The following MB21D2 variants were observed in gnomAD, a reference collection of about 807,000 sequenced individuals.
MB21D2 encodes the protein Mab-21 domain containing 2.
A neutral mutation model predicts 33.3 loss-of-function variants in MB21D2; 9 were observed. That is an observed-to-expected ratio of 0.27 (90% CI 0.16 to 0.47). The LOEUF is 0.47. Among genes scored for constraint, MB21D2 ranks in the 20% least tolerant of loss-of-function variants. MB21D2 has a pLI of 0.99. For synonymous variants in MB21D2, 241 were observed against 236.3 expected (o/e 1.02, Z -0.18); for missense variants, 540 against 624.6 (o/e 0.86, Z 1.44).
intron 1 of MB21D2, among the ~76,000 whole-genome samples, chr3:192,909,614 T>C (rs747831077): frequency 6.6e-6 from 1 of 152,180 alleles, no homozygotes; most frequent in Admixed American, 6.5e-5. Context: ...GCTGTTTCCA[T>C]GGACCCAGGT....
chr3:192,815,546 G>A (rs1187268673), intron 1 of MB21D2, among the ~76,000 whole-genome samples: 1 of 152,204 alleles, frequency 6.6e-6, no homozygotes, highest in Non-Finnish European at 1.5e-5. Context: ...ATCAGGAAAG[G>A]CAAAGCTGTC....
intron 1 of MB21D2, among the ~76,000 whole-genome samples, chr3:192,854,011 T>A (rs1712864319): frequency 6.6e-6 from 1 of 152,202 alleles, no homozygotes; most frequent in East Asian, 1.9e-4. Flanking sequence ...GGCTTCCCTA[T>A]TCCTTGGGAC....
intron 1 of MB21D2, among the ~76,000 whole-genome samples, chr3:192,853,337 C>T (rs752741802): frequency 2.6e-5 from 4 of 152,160 alleles, no homozygotes; most frequent in Non-Finnish European, 4.4e-5. Flanking sequence ...GAGGCACTTC[C>T]GTGACAAATG....
At position 192,798,519 on chromosome 3, in the gene MB21D2, T is replaced by C. The variant is rs1346794331; in HGVS notation, c.1343A>G (p.Asn448Ser). The C allele has an allele frequency of 3.1e-6, 5 of 1,614,098 alleles. No homozygotes were observed. The highest frequency in any genetic ancestry group is 4.2e-6 in the Non-Finnish European group (5 of 1,180,012). Reference sequence around the variant, plus strand: ...TTTTGCCAAACGGTCATCAGGCTGGTTGGGGTCCCCTCCGTCAGACTGTGG... The same window carrying C: ...TTTTGCCAAACGGTCATCAGGCTGGCTGGGGTCCCCTCCGTCAGACTGTGG... ...PSPQSDGGDP[N>S]QPDDRLAKKL... The change falls in exon 2 of 2, where the codon AAC (asparagine) becomes AGC (serine). Residue 448 changes from asparagine (N) to serine (S), a missense_variant. Physicochemically the swap from Asn to Ser is conservative, Grantham distance 46. Coordinates refer to ENST00000392452, the MANE Select transcript of MB21D2 (RefSeq NM_178496.4). This position sits in a 1 kb window ranked among gnomAD's most constrained non-coding sequence, Gnocchi z 4.8.
chr3:192,889,456 T>C (rs1713804627), intron 1 of MB21D2, among the ~76,000 whole-genome samples: 1 of 152,112 alleles, frequency 6.6e-6, no homozygotes, highest in Non-Finnish European at 1.5e-5. Flanking sequence ...AACTTTGCAA[T>C]TAATACTTAA....
rs998488840 is a variant in MB21D2, at chr3:192,917,820, G to A, written c.21C>T (p.Thr7=). 2 of 1,610,198 alleles carry A rather than the reference G, an allele frequency of 1.2e-6. No homozygotes were observed. Among genetic ancestry groups the A allele is most frequent in the Admixed American group, 1.7e-5 (1 of 59,900 alleles). ...AGCCCAGGGAGGCTGCCTTGTTGGC[G>A]GTGGGAGCCGCCATCTTCATGCAAA... The part of the protein sequence containing the change: MKMAAP[T]ANKAASLGCN... Residue 7 remains threonine, a synonymous_variant, in exon 1 of 2, where the codon ACC becomes ACT. Coordinates refer to ENST00000392452, the MANE Select transcript of MB21D2 (RefSeq NM_178496.4).
At chr3:192,887,375 G>C (rs901686954) in intron 1 of MB21D2, among the ~76,000 whole-genome samples, 4 of 152,058 alleles carry the variant, frequency 2.6e-5, no homozygotes, top group African/African-American at 4.8e-5. Context: ...TATTTATACA[G>C]TTTCAGTTTT....
At chr3:192,913,335 T>C (rs548208968) in intron 1 of MB21D2, among the ~76,000 whole-genome samples, 1 of 152,192 alleles carries the variant, frequency 6.6e-6, no homozygotes, top group African/African-American at 2.4e-5. Context: ...GAAGTAGAGG[T>C]TGCAGTGAGC....
At chr3:192,806,358 T>C (rs925715376) in intron 1 of MB21D2, among the ~76,000 whole-genome samples, 10 of 152,232 alleles carry the variant, frequency 6.6e-5, no homozygotes, top group African/African-American at 2.4e-4. Flanking sequence ...GGAATCCACT[T>C]ACACAACAAG....
intron 1 of MB21D2, among the ~76,000 whole-genome samples, chr3:192,894,879 C>A (rs1396964942): frequency 6.6e-6 from 1 of 152,160 alleles, no homozygotes; most frequent in African/African-American, 2.4e-5. Context: ...CATCACAACA[C>A]AAAAAGATAA....
intron 1 of MB21D2, among the ~76,000 whole-genome samples, chr3:192,865,438 A>T (rs1323063969): frequency 6.6e-6 from 1 of 152,222 alleles, no homozygotes; most frequent in East Asian, 1.9e-4. Context: ...GAAATGGTTC[A>T]GCAGGAGTAT....
intron 1 of MB21D2, among the ~76,000 whole-genome samples, chr3:192,853,069 T>C (rs927232065): frequency 2.6e-5 from 4 of 152,056 alleles, no homozygotes; most frequent in African/African-American, 9.7e-5. Flanking sequence ...ACCATTTTCA[T>C]TGCTTTTTAC....
chr3:192,817,124 T>C (rs60038466), intron 1 of MB21D2, among the ~76,000 whole-genome samples: 29,920 of 152,230 alleles, frequency 0.2, 5,131 homozygotes, highest in African/African-American at 0.47. Flanking sequence ...ATTCTATCAC[T>C]TCCCTCCCTG....
At chr3:192,823,152 T>G (rs1441966462) in intron 1 of MB21D2, among the ~76,000 whole-genome samples, 1 of 152,232 alleles carries the variant, frequency 6.6e-6, no homozygotes, top group East Asian at 1.9e-4. Flanking sequence ...AGATCCTATG[T>G]TCTAGTTTAT....
intron 1 of MB21D2, among the ~76,000 whole-genome samples, chr3:192,893,800 C>A (rs1713905935): frequency 6.6e-6 from 1 of 152,062 alleles, no homozygotes; most frequent in African/African-American, 2.4e-5. Context: ...TTTGGGAGGC[C>A]CACGGTGGGA....
At chr3:192,839,613 T>G (rs1712525632) in intron 1 of MB21D2, among the ~76,000 whole-genome samples, 1 of 152,236 alleles carries the variant, frequency 6.6e-6, no homozygotes. Context: ...TACATATATG[T>G]GTCTGTGTGT....
At chr3:192,868,332 A>C (rs960458700) in intron 1 of MB21D2, among the ~76,000 whole-genome samples, 1 of 152,202 alleles carries the variant, frequency 6.6e-6, no homozygotes, top group Non-Finnish European at 1.5e-5. Flanking sequence ...GAAACACAAG[A>C]AGCAAGTGGA....
At chr3:192,812,452 G>A (rs1004045346) in intron 1 of MB21D2, among the ~76,000 whole-genome samples, 32 of 152,188 alleles carry the variant, frequency 2.1e-4, no homozygotes, top group African/African-American at 7.5e-4. Context: ...AGCAGAGTAA[G>A]CTGAATCAGT....
Position 192,847,080 on chromosome 3 carries a change from C to T in MB21D2, c.212-47430G>A, listed in dbSNP as rs900689143. Among the ~76,000 whole-genome samples the T allele has an allele frequency of 2.6e-5, 4 of 152,202 alleles. No homozygotes were observed. The South Asian group carries it at 8.3e-4, about 32-fold the overall frequency. The stretch of plus-strand genomic sequence containing the variant: ...CTGGAATACCTTGGAAAGAGTCATC[C>T]CTGAGACTTCATGGTCTCCAGGTCA... On this transcript the variant is annotated intron_variant, in intron 1 of 1. Coordinates refer to ENST00000392452, the MANE Select transcript of MB21D2 (RefSeq NM_178496.4).
Sources: gnomAD v4.1 joint callset for allele counts (sites outside exome capture counted in the v4.1 genomes callset) on GRCh38, gnomAD v4.1.1 for gene constraint, Gnocchi (gnomAD v3.1) non-coding constraint, MANE v1.5 for transcripts, NCBI Gene and HGNC (gene_info 2026-07-23, HGNC 2026-07-21) for gene names.